NAA16: variants seen among roughly 807,000 people sequenced by gnomAD.
NAA16 encodes NARG1-like protein.
Under a neutral mutation model 110.3 loss-of-function variants are expected in NAA16, and 97 were observed. The ratio of observed to expected loss-of-function variants is 0.88; its 90% CI spans 0.75 to 1.04. NAA16 has a LOEUF of 1.04. NAA16 is among the 50% of genes least tolerant of loss of function. The probability of loss-of-function intolerance (pLI) is 0.00; values close to 1 mark genes in which losing one functional copy is unlikely to be tolerated. For synonymous variants in NAA16, 372 were observed against 330.6 expected, an observed-to-expected ratio of 1.13 and a Z score of -1.36; for missense variants, 1,017 against 1,005.1, an observed-to-expected ratio of 1.01 and a Z score of -0.16.
chr13:41,350,876 C>G (rs2042818779), intron 9 of NAA16, among the ~76,000 whole-genome samples: 2 of 152,102 alleles, frequency 1.3e-5, no homozygotes, highest in African/African-American at 4.8e-5. Context: ...CTGCCTGCCT[C>G]AGCCCCCGAA....
chr13:41,362,259 G>A (rs2139502816), intron 13 of NAA16, 100 bp downstream of exon 13: 3 of 1,301,528 alleles, frequency 2.3e-6, no homozygotes, highest in African/African-American at 1.5e-5. Flanking sequence ...TTCTCTGGGA[G>A]CTTCATTGTG....
intron 6 of NAA16, among the ~76,000 whole-genome samples, chr13:41,327,254 TTAAA>T (rs1330808455): frequency 7.6e-6 from 1 of 132,254 alleles, no homozygotes; most frequent in East Asian, 1.9e-4. Context: ...GGGTAAATAA[TTAAA>T]TATTCTGGTT....
intron 9 of NAA16, among the ~76,000 whole-genome samples, chr13:41,347,077 G>A (rs1479748453): frequency 2.0e-5 from 3 of 151,906 alleles, no homozygotes; most frequent in African/African-American, 4.8e-5. Context: ...ATTAGCTGGC[G>A]TGGTGGCAGG....
intron 9 of NAA16, among the ~76,000 whole-genome samples, chr13:41,344,260 G>A (rs576317366): frequency 7.2e-5 from 11 of 152,294 alleles, no homozygotes; most frequent in African/African-American, 2.6e-4. Context: ...CTAGCAGTGT[G>A]CCTGAAATAT....
At chr13:41,372,967 A>T in intron 17 of NAA16, 137 bp downstream of exon 17, 1 of 1,140,610 alleles carries the variant, frequency 8.8e-7, no homozygotes. Context: ...TATTTTCATG[A>T]TACAAATCCT....
intron 1 of NAA16, among the ~76,000 whole-genome samples, chr13:41,313,750 A>G (rs1162910330): frequency 2.0e-5 from 3 of 152,230 alleles, no homozygotes; most frequent in Admixed American, 6.5e-5. Context: ...GACAAACCTA[A>G]AGATGGTAAA....
At chr13:41,344,488 T>C (rs1030461252) in intron 9 of NAA16, among the ~76,000 whole-genome samples, 4 of 152,218 alleles carry the variant, frequency 2.6e-5, no homozygotes, top group Admixed American at 1.3e-4. Flanking sequence ...GAGAGGTTTT[T>C]GATTGTCGCT....
At chr13:41,372,920 A>G in intron 17 of NAA16, 90 bp downstream of exon 17, 1 of 1,266,754 alleles carries the variant, frequency 7.9e-7, no homozygotes, top group Non-Finnish European at 1.0e-6. Flanking sequence ...TAAATATTTA[A>G]TAACCCTCTC....
In NAA16 at chr13:41,377,003, G is replaced by A. The variant is rs2043436604; in HGVS notation, c.*1401G>A. 6.6e-6 allele frequency: 1 copy of A among 152,026 alleles called. No homozygotes were observed. Among genetic ancestry groups the A allele is most frequent in the African/African-American group, 2.4e-5 (1 of 41,388 alleles). 9.4% of individuals were successfully genotyped at this position (152,026 alleles called of 1,614,324 possible). A position where few individuals can be genotyped will look rare whatever the true frequency, so the allele number is the denominator to read the frequency against. ...GTAAAATAATGCCAACCTAGATAATGCTATAATAAATTATTTTGTACACAG... is the reference window on the plus strand; with the variant it reads ...GTAAAATAATGCCAACCTAGATAATACTATAATAAATTATTTTGTACACAG... On this transcript the variant is annotated 3_prime_UTR_variant, in exon 20 of 20. Transcript: ENST00000379406.
At chr13:41,359,079 A>T in intron 12 of NAA16, 117 bp downstream of exon 12, 1 of 871,730 alleles carries the variant, frequency 1.1e-6, no homozygotes, top group Non-Finnish European at 1.6e-6. Flanking sequence ...ATTCATTTTT[A>T]TTATTGTTTT....
chr13:41,368,354 T>G (rs1283999832), intron 14 of NAA16, among the ~76,000 whole-genome samples: 1 of 152,162 alleles, frequency 6.6e-6, no homozygotes, highest in Non-Finnish European at 1.5e-5. Context: ...AGATCACAGG[T>G]GTTTATATGT....
chr13:41,356,998 GT>G (rs1404137177), intron 10 of NAA16, among the ~76,000 whole-genome samples: 1 of 152,134 alleles, frequency 6.6e-6, no homozygotes, highest in Non-Finnish European at 1.5e-5. Flanking sequence ...TTCAGATGTT[GT>G]CAGCCTGTTA....
At chr13:41,317,239 C>A (rs2041832971) in intron 2 of NAA16, among the ~76,000 whole-genome samples, 1 of 151,936 alleles carries the variant, frequency 6.6e-6, no homozygotes, top group Non-Finnish European at 1.5e-5. Context: ...AAAGTTTATA[C>A]CTTGGTTTCC....
chr13:41,335,339 T>G (rs2042352225), intron 8 of NAA16, among the ~76,000 whole-genome samples: 1 of 152,288 alleles, frequency 6.6e-6, no homozygotes, highest in South Asian at 2.1e-4. Flanking sequence ...TTGCCTTCAT[T>G]TTACAGTGAT....
intron 4 of NAA16, 106 bp downstream of exon 4, chr13:41,320,930 T>C: frequency 1.0e-6 from 1 of 1,000,224 alleles, no homozygotes; most frequent in Non-Finnish European, 1.4e-6. Context: ...TAGATTTGAT[T>C]GTTCATTAGA....
At chr13:41,328,974 G>C (rs2042164556) in intron 7 of NAA16, 131 bp downstream of exon 7, 2 of 728,632 alleles carry the variant, frequency 2.7e-6, no homozygotes, top group Non-Finnish European at 4.4e-6. Flanking sequence ...AAAATTATAG[G>C]TTAAACATGG....
intron 1 of NAA16, 134 bp downstream of exon 1, chr13:41,311,716 T>G: frequency 1.3e-6 from 1 of 776,936 alleles, no homozygotes. Context: ...ACCTCGGAGG[T>G]CGCGGGACCC....
At chr13:41,344,377 T>C (rs184705460) in intron 9 of NAA16, among the ~76,000 whole-genome samples, 26 of 152,392 alleles carry the variant, frequency 1.7e-4, no homozygotes, top group Middle Eastern at 3.4e-3. Context: ...AGTTCATCTG[T>C]TGTTTTAAAA....
intron 11 of NAA16, 116 bp from the exon 12 acceptor site, chr13:41,358,694 T>C: frequency 1.4e-6 from 2 of 1,445,516 alleles, no homozygotes; most frequent in South Asian, 3.2e-5. Flanking sequence ...GATTTCTAAA[T>C]AAATTTGACA....
Sources: allele counts gnomAD v4.1 joint callset (sites outside exome capture counted in the v4.1 genomes callset), GRCh38; gene constraint gnomAD v4.1.1; transcripts MANE v1.5; gene names NCBI Gene and HGNC (gene_info 2026-07-23, HGNC 2026-07-21).